Variants in ZNF276 observed in about 807,000 individuals in gnomAD.
The protein encoded by ZNF276 is zinc finger protein 276.
ZNF276 carries 59 observed loss-of-function variants against 63.9 expected under a neutral mutation model. The ratio of observed to expected loss-of-function variants is 0.92; its 90% confidence interval spans 0.75 to 1.15. The LOEUF (loss-of-function observed/expected upper bound fraction) is 1.15. Among genes scored for constraint, ZNF276 ranks in the 50% most tolerant of loss-of-function variants. ZNF276 has a pLI of 0.00. For missense variants in ZNF276, 1,084 were observed against 843.8 expected (o/e 1.28, Z -3.53); for synonymous variants, 496 against 348.4 (o/e 1.42, Z -4.72).
At chr16:89,731,038 G>A (rs574275315) in intron 6 of ZNF276, among the ~76,000 whole-genome samples, 15 of 152,352 alleles carry the variant, frequency 9.8e-5, no homozygotes, top group African/African-American at 3.4e-4. Flanking sequence ...TCCCAAACAC[G>A]AGGGCACAGA....
Position 89,729,240 on chromosome 16 carries a change from T to C in ZNF276, c.1091T>C (p.Val364Ala), listed in dbSNP as rs1411239795. The change falls in exon 6 of 11, where the codon GTC (valine) becomes GCC (alanine). Residue 364 changes from valine to alanine, a missense_variant. Physicochemically the swap from Val to Ala is moderately conservative, Grantham distance 64. Transcript: ENST00000443381. ...DEFSDLSEGD[V>A]LSEDENDKKQ... Reference sequence around the variant, plus strand: ...GATTCTCTCTTAATTCCTAGAGACGTCTTGAGTGAAGATGAAAATGACAAG... The same window carrying C: ...GATTCTCTCTTAATTCCTAGAGACGCCTTGAGTGAAGATGAAAATGACAAG... 5.0e-6 allele frequency: 8 copies of C among 1,613,930 alleles called. No individual in the cohort carries two copies. Among genetic ancestry groups the C allele is most frequent in the Non-Finnish European group, 6.8e-6 (8 of 1,179,952 alleles).
rs550845664 is a variant in ZNF276, at chr16:89,737,218, C to T, written c.1475-588C>T. On this transcript the variant is annotated intron_variant, in intron 9 of 10. Transcript: ENST00000443381. ...AGTATTCTATACAACCTTAGTGATA[C>T]GGCTTCCTTTAAGAATTTGTAGGCC... Among the ~76,000 whole-genome samples the T allele has an allele frequency of 6.6e-5, 10 of 152,276 alleles. No individual in the cohort carries two copies. The East Asian group carries it at 7.7e-4, about 12-fold the overall frequency.
In ZNF276 at chr16:89,722,443, G is replaced by A. The variant is rs534644180; in HGVS notation, c.206-88G>A. ...CGGGAGCCGCGCGAAGGGCGCTGCAGGCGCTGCCCTCGGACCTGGAGTCCG... is the reference window on the plus strand; with the variant it reads ...CGGGAGCCGCGCGAAGGGCGCTGCAAGCGCTGCCCTCGGACCTGGAGTCCG... On this transcript the variant is annotated intron_variant, in intron 1 of 10. Transcript: ENST00000443381. The A allele has an allele frequency of 3.3e-5, 47 of 1,441,426 alleles. No individual in the cohort carries two copies. The East Asian group carries it at 7.1e-4, about 22-fold the overall frequency. The allele number at this position is 1,441,426 out of a possible 1,614,324, so 89.3% of individuals were successfully genotyped here. A position where few individuals can be genotyped will look rare whatever the true frequency, so the allele number is the denominator to read the frequency against.
In ZNF276 at chr16:89,721,596, G is replaced by C; in HGVS notation, c.-45G>C. The C allele has an allele frequency of 1.4e-6, 2 of 1,464,588 alleles. No individual in the cohort carries two copies. The highest frequency in any genetic ancestry group is 1.8e-6 in the Non-Finnish European group (2 of 1,112,336). 90.7% of individuals were successfully genotyped at this position (1,464,588 alleles called of 1,614,324 possible). On this transcript the variant is annotated 5_prime_UTR_variant, in exon 1 of 11. Coordinates refer to ENST00000443381, the MANE Select transcript of ZNF276 (RefSeq NM_001113525.2). ...TAACGCCGGGTCCTCTAGGAACCTC[G>C]GGCCGGGCAGCACCCGCGGGATTCT...
upstream of ZNF276, chr16:89,721,468 C>A (rs1390022982): frequency 5.4e-6 from 3 of 558,718 alleles, no homozygotes; most frequent in Non-Finnish European, 8.4e-6. Flanking sequence ...CCTCGGCCGG[C>A]GGGGTCCCGC....
At chr16:89,722,184 C>T (rs2061311983) in intron 1 of ZNF276, among the ~76,000 whole-genome samples, 2 of 152,218 alleles carry the variant, frequency 1.3e-5, no homozygotes, top group African/African-American at 2.4e-5. Context: ...AAGGAGGCGG[C>T]ACCTGCAATT....
chr16:89,738,208 A>T lies in ZNF276; in HGVS notation c.1807A>T (p.Thr603Ser). ...PPPGPPSPSV[T>S]TEGQAVKPEP... ...ACCTGGGCCACCGAGCCCCTCTGTGACCACAGAGGGCCAGGCGGTGAAGCC... is the reference window on the plus strand; with the variant it reads ...ACCTGGGCCACCGAGCCCCTCTGTGTCCACAGAGGGCCAGGCGGTGAAGCC... Residue 603 changes from threonine to serine, a missense_variant, in exon 11 of 11, where the codon ACC (threonine) becomes TCC (serine). Transcript: ENST00000443381. 2 of 1,610,874 alleles carry T rather than the reference A, an allele frequency of 1.2e-6. No individual in the cohort carries two copies. The highest frequency in any genetic ancestry group is 1.7e-6 in the Non-Finnish European group (2 of 1,178,982).
In ZNF276 at chr16:89,740,393, AC is replaced by A; in HGVS notation, c.*2148del. ...AGTGGCTCATGCCTGTAATCCCAAC[AC>A]TTTGGGAGGCCGAGGTCGGCGGATC... On this transcript the variant is annotated 3_prime_UTR_variant, in exon 11 of 11. Transcript: ENST00000443381. 1 of 488,916 alleles carries A rather than the reference AC, an allele frequency of 2.0e-6. No homozygotes were observed. Among genetic ancestry groups the A allele is most frequent in the Non-Finnish European group, 3.7e-6 (1 of 269,356 alleles). 30.3% of individuals were successfully genotyped at this position (488,916 alleles called of 1,614,324 possible).
chr16:89,737,750 C>T lies in ZNF276; in HGVS notation c.1475-56C>T, dbSNP rs886052478. On this transcript the variant is annotated intron_variant, in intron 9 of 10. Coordinates refer to ENST00000443381, the MANE Select transcript of ZNF276 (RefSeq NM_001113525.2). Reference sequence around the variant, plus strand: ...GATGGTTTCACATTGTCATCGTCGTCCCCCCGGGAGGTTGGAGCATCAGGG... The same window carrying T: ...GATGGTTTCACATTGTCATCGTCGTTCCCCCGGGAGGTTGGAGCATCAGGG... The T allele has an allele frequency of 5.4e-5, 86 of 1,607,306 alleles. No homozygotes were observed. Among genetic ancestry groups the T allele is most frequent in the South Asian group, 1.8e-4 (16 of 90,590 alleles).
In ZNF276 at chr16:89,724,398, G is replaced by C. The variant is rs527946000; in HGVS notation, c.1006+689G>C. On this transcript the variant is annotated intron_variant, in intron 4 of 10. Transcript: ENST00000443381. ...AAAAGCGTAGCTACCTGTAATCCCAGCACTTTGGGAGGCTGAGGTGGGTGG... is the reference window on the plus strand; with the variant it reads ...AAAAGCGTAGCTACCTGTAATCCCACCACTTTGGGAGGCTGAGGTGGGTGG... 3.3e-5 allele frequency among the ~76,000 whole-genome samples: 5 copies of C among 152,330 alleles called. No homozygotes were observed. The East Asian group carries it at 9.6e-4, about 29-fold the overall frequency.
In ZNF276 at chr16:89,738,782, A is replaced by C; in HGVS notation, c.*536A>C. ...GACCACAGGGGAGGGGCTCTGGCAG[A>C]AATAGTCGAGTTGTATTGCCAGCCA... On this transcript the variant is annotated 3_prime_UTR_variant, in exon 11 of 11. Transcript: ENST00000443381. The C allele has an allele frequency of 6.2e-7, 1 of 1,612,800 alleles. No individual in the cohort carries two copies. Among genetic ancestry groups the C allele is most frequent in the Non-Finnish European group, 8.5e-7 (1 of 1,179,526 alleles).
intron 5 of ZNF276, among the ~76,000 whole-genome samples, chr16:89,728,532 C>G (rs566532994): frequency 3.9e-5 from 6 of 152,092 alleles, no homozygotes; most frequent in African/African-American, 1.4e-4. Flanking sequence ...GCCTCTGAGT[C>G]GCTGGGACTA....
At chr16:89,735,406 G>T (rs1014314018) in intron 9 of ZNF276, among the ~76,000 whole-genome samples, 30 of 151,642 alleles carry the variant, frequency 2.0e-4, no homozygotes, top group African/African-American at 7.3e-4. Context: ...TGAATTTACT[G>T]AAGTATTTTT....
At chr16:89,720,967 G>A, upstream of ZNF276, 1 of 1,097,838 alleles carries the variant, frequency 9.1e-7, no homozygotes, top group Non-Finnish European at 1.2e-6. Context: ...GCAGCGGACC[G>A]CAGGAAGGGA....
At position 89,740,381 on chromosome 16, in the gene ZNF276, T is replaced by C; in HGVS notation, c.*2135T>C. On this transcript the variant is annotated 3_prime_UTR_variant, in exon 11 of 11. Transcript: ENST00000443381. The stretch of plus-strand genomic sequence containing the variant: ...CAGGCCGGATGCAGTGGCTCATGCC[T>C]GTAATCCCAACACTTTGGGAGGCCG... 3 of 505,628 alleles carry C rather than the reference T, an allele frequency of 5.9e-6. No individual in the cohort carries two copies. The allele number at this position is 505,628 out of a possible 1,614,324, so 31.3% of individuals were successfully genotyped here. A position where few individuals can be genotyped will look rare whatever the true frequency, so the allele number is the denominator to read the frequency against.
chr16:89,724,474 C>T (rs1202528889), intron 4 of ZNF276, among the ~76,000 whole-genome samples: 1 of 152,140 alleles, frequency 6.6e-6, no homozygotes, highest in Non-Finnish European at 1.5e-5. Flanking sequence ...TAGCGAAACC[C>T]CATCGCTAAT....
chr16:89,723,074 T>C, intron 2 of ZNF276, 63 bp from the exon 3 acceptor site: 1 of 1,612,136 alleles, frequency 6.2e-7, no homozygotes, highest in Middle Eastern at 1.8e-4. Context: ...GAGGGTCCCG[T>C]ACGACGAGCG....
At position 89,740,803 on chromosome 16, in the gene ZNF276, C is replaced by A. The variant is rs1432988639; in HGVS notation, c.*2557C>A. ...ACCTTGGCTGGTAAGGTCTGACTTACATTTGAGGTCAGATGTGACGACAGC... is the reference window on the plus strand; with the variant it reads ...ACCTTGGCTGGTAAGGTCTGACTTAAATTTGAGGTCAGATGTGACGACAGC... On this transcript the variant is annotated 3_prime_UTR_variant, in exon 11 of 11. Transcript: ENST00000443381. The A allele has an allele frequency of 3.1e-6, 5 of 1,612,968 alleles. No individual in the cohort carries two copies. The highest frequency in any genetic ancestry group is 2.7e-5 in the African/African-American group (2 of 74,858).
Position 89,738,651 on chromosome 16 carries a change from G to A in ZNF276, c.*405G>A, listed in dbSNP as rs767234774. On this transcript the variant is annotated 3_prime_UTR_variant, in exon 11 of 11. Transcript: ENST00000443381. ...AGGTCAGCGTCAGGGGCAGCCTGCT[G>A]TCTGCTCTGGAGGGCGGCGCTCACC... 3.7e-6 allele frequency: 6 copies of A among 1,613,596 alleles called. No homozygotes were observed. Among genetic ancestry groups the A allele is most frequent in the Non-Finnish European group, 4.2e-6 (5 of 1,180,034 alleles).
Sources: allele counts gnomAD v4.1 joint callset (sites outside exome capture counted in the v4.1 genomes callset), GRCh38; gene constraint gnomAD v4.1.1; transcripts MANE v1.5; gene names NCBI Gene and HGNC (gene_info 2026-07-23, HGNC 2026-07-21).